Variants in RPS6KA2 observed in about 807,000 individuals in gnomAD.
RPS6KA2 encodes the protein ribosomal protein S6 kinase A2, also known as ribosomal protein S6 kinase alpha-2.
Under a neutral mutation model 91.8 loss-of-function variants are expected in RPS6KA2, and 42 were observed. The observed-to-expected ratio is 0.46, with a 90% CI of 0.36 to 0.59. The LOEUF (loss-of-function observed/expected upper bound fraction) is 0.59, where lower values mean the gene tolerates loss of function less well. Ranked by LOEUF, RPS6KA2 falls within the 20% of genes least tolerant of loss-of-function variation. The pLI, the probability that RPS6KA2 is intolerant of heterozygous loss-of-function variation, is 0.00. For synonymous variants in RPS6KA2, 414 were observed against 393.6 expected (o/e 1.05, Z -0.61); for missense variants, 798 against 978.5 (o/e 0.82, Z 2.46).
intron 2 of RPS6KA2, among the ~76,000 whole-genome samples, chr6:166,747,536 C>G (rs944201952): frequency 3.3e-5 from 5 of 152,190 alleles, no homozygotes; most frequent in Non-Finnish European, 7.3e-5. Flanking sequence ...AGATTTCCAG[C>G]TTTGTGCAGC....
At chr6:166,810,912 A>G (rs1335783511) in intron 2 of RPS6KA2, among the ~76,000 whole-genome samples, 1 of 152,186 alleles carries the variant, frequency 6.6e-6, no homozygotes, top group Non-Finnish European at 1.5e-5. Context: ...TCACAACCAC[A>G]TGAGACAGTG....
chr6:166,687,437 G>A (rs141008186), intron 2 of RPS6KA2, among the ~76,000 whole-genome samples: 3 of 152,352 alleles, frequency 2.0e-5, no homozygotes, highest in Admixed American at 2.0e-4. Flanking sequence ...CTGCCTGTGA[G>A]CGTGGCCTTG....
intron 1 of RPS6KA2, among the ~76,000 whole-genome samples, chr6:166,610,220 G>C (rs1267193996): frequency 1.3e-5 from 2 of 152,214 alleles, no homozygotes; most frequent in East Asian, 1.9e-4. Context: ...TGTATAAATA[G>C]CAAGTCGTAA....
intron 2 of RPS6KA2, among the ~76,000 whole-genome samples, chr6:166,792,951 G>T (rs1339691164): frequency 1.3e-5 from 2 of 152,112 alleles, no homozygotes; most frequent in African/African-American, 4.8e-5. Flanking sequence ...GCACAAGACA[G>T]GGATGACCTC....
At position 166,665,292 on chromosome 6, in the gene RPS6KA2, A is replaced by G. The variant is rs187824839; in HGVS notation, c.124-126508T>C. On this transcript the variant is annotated intron_variant, in intron 2 of 21. Transcript: ENST00000503859. This position sits in a 1 kb window ranked among gnomAD's most constrained non-coding sequence, Gnocchi z 4.5. ...GACTTACAGGAGCACCCCGAGGTGTATAAGAGTGTCCCTAAATTGATGTTA... is the reference window on the plus strand; with the variant it reads ...GACTTACAGGAGCACCCCGAGGTGTGTAAGAGTGTCCCTAAATTGATGTTA... Among the ~76,000 whole-genome samples the G allele has an allele frequency of 2.6e-5, 4 of 152,300 alleles. No homozygotes were observed. The highest frequency in any genetic ancestry group is 6.5e-5 in the Admixed American group (1 of 15,290).
At chr6:166,776,037 G>T (rs1778607737) in intron 2 of RPS6KA2, among the ~76,000 whole-genome samples, 1 of 152,218 alleles carries the variant, frequency 6.6e-6, no homozygotes, top group East Asian at 1.9e-4. Flanking sequence ...GAGGGTGTGT[G>T]CCTCTCCCCA....
At chr6:166,701,463 G>C (rs375732454) in intron 2 of RPS6KA2, 8 of 1,160,798 alleles carry the variant, frequency 6.9e-6, no homozygotes, top group Non-Finnish European at 1.0e-5. Flanking sequence ...GTGATCCAGC[G>C]ATCATCACCA....
chr6:166,694,415 C>A (rs916092893), intron 2 of RPS6KA2, among the ~76,000 whole-genome samples: 1 of 152,218 alleles, frequency 6.6e-6, no homozygotes, highest in Non-Finnish European at 1.5e-5. Flanking sequence ...TCTTCCAATA[C>A]AATAAAGTCA....
chr6:166,671,995 C>T (rs529589179), intron 2 of RPS6KA2, among the ~76,000 whole-genome samples: 2 of 152,278 alleles, frequency 1.3e-5, no homozygotes, highest in Admixed American at 6.5e-5. Flanking sequence ...CCAAACCAGG[C>T]GTGTCTCCAC....
chr6:166,437,463 G>A lies in RPS6KA2; in HGVS notation c.1333-4973C>T, dbSNP rs144615882. Among the ~76,000 whole-genome samples the A allele has an allele frequency of 1.7e-4, 26 of 152,334 alleles. No homozygotes were observed. The highest frequency in any genetic ancestry group is 3.1e-4 in the Non-Finnish European group (21 of 68,040). On this transcript the variant is annotated intron_variant, in intron 14 of 20. Transcript: ENST00000265678. This position sits in a 1 kb window ranked among gnomAD's most constrained non-coding sequence, Gnocchi z 4.3. ...CGCGCCACGGAGTAGGAGTGGTGTC[G>A]TGGGGCGGGGGACAAGCTCGCTCAG...
chr6:166,537,180 C>A (rs1374229680), intron 2 of RPS6KA2, among the ~76,000 whole-genome samples: 2 of 152,256 alleles, frequency 1.3e-5, no homozygotes, highest in Non-Finnish European at 2.9e-5. Flanking sequence ...TCGGCTGATT[C>A]TGTGCTTCCA....
Position 166,731,619 on chromosome 6 carries a change from G to A in RPS6KA2, c.123+126581C>T, listed in dbSNP as rs78603659. Reference sequence around the variant, plus strand: ...AAGACAAAGCAGGACAGAGCACACAGCCCCCGGCATCTCCTGCTTGAGTCG... The same window carrying A: ...AAGACAAAGCAGGACAGAGCACACAACCCCCGGCATCTCCTGCTTGAGTCG... On this transcript the variant is annotated intron_variant, in intron 2 of 21. Coordinates refer to the RPS6KA2 transcript ENST00000503859. Among the ~76,000 whole-genome samples, 1,176 of 152,050 alleles carry A rather than the reference G, an allele frequency of 7.7e-3. 10 individuals are homozygous for A. The highest frequency in any genetic ancestry group is 0.024 in the African/African-American group (1,010 of 41,448).
chr6:166,521,573 G>A (rs2128487896), intron 3 of RPS6KA2, among the ~76,000 whole-genome samples: 1 of 152,322 alleles, frequency 6.6e-6, no homozygotes, highest in African/African-American at 2.4e-5. Flanking sequence ...GATTTCTGAG[G>A]CACAGAGCTC....
intron 2 of RPS6KA2, chr6:166,757,463 C>T (rs1025471181): frequency 1.5e-5 from 7 of 455,030 alleles, no homozygotes; most frequent in Non-Finnish European, 2.7e-5. Context: ...CCCGTGATTT[C>T]CCAGCAGTAA....
At chr6:166,728,934 T>C (rs181430967) in intron 2 of RPS6KA2, among the ~76,000 whole-genome samples, 1 of 152,236 alleles carries the variant, frequency 6.6e-6, no homozygotes, top group Admixed American at 6.5e-5. Context: ...TTTGGTTTAC[T>C]TTACTTCAGC....
At chr6:166,455,521 C>T (rs1013505820) in intron 12 of RPS6KA2, among the ~76,000 whole-genome samples, 13 of 152,170 alleles carry the variant, frequency 8.5e-5, no homozygotes, top group African/African-American at 2.9e-4. Context: ...TAGATGCCCA[C>T]GCGACCCCTG....
At chr6:166,798,746 C>A (rs1779286963) in intron 2 of RPS6KA2, among the ~76,000 whole-genome samples, 1 of 152,238 alleles carries the variant, frequency 6.6e-6, no homozygotes, top group African/African-American at 2.4e-5. Flanking sequence ...AATCCCTTTC[C>A]CAGACCCCTT....
intron 5 of RPS6KA2, among the ~76,000 whole-genome samples, chr6:166,507,390 C>CACA (rs563166079): frequency 0.22 from 32,163 of 146,326 alleles, 3,424 homozygotes; most frequent in East Asian, 0.32. Context: ...ACACACACAC[C>CACA]CACCCCACAT....
At chr6:166,474,410 T>G (rs1250337296) in intron 10 of RPS6KA2, among the ~76,000 whole-genome samples, 3 of 152,180 alleles carry the variant, frequency 2.0e-5, no homozygotes, top group African/African-American at 7.2e-5. Flanking sequence ...GCTGTGCTAT[T>G]TTTGTGCTCA....
Sources: gnomAD v4.1 joint callset for allele counts (sites outside exome capture counted in the v4.1 genomes callset) on GRCh38, gnomAD v4.1.1 for gene constraint, Gnocchi (gnomAD v3.1) non-coding constraint, MANE v1.5 for transcripts, NCBI Gene and HGNC (gene_info 2026-07-23, HGNC 2026-07-21) for gene names.